Variants in CSMD3 observed in about 807,000 individuals in gnomAD.
The protein encoded by CSMD3 is CUB and Sushi multiple domains 3.
CSMD3 carries 177 observed loss-of-function variants against 435.2 expected under a neutral mutation model. That is an observed-to-expected ratio of 0.41 (90% CI 0.36 to 0.46). The LOEUF (loss-of-function observed/expected upper bound fraction) is 0.46. Ranked by LOEUF, CSMD3 falls within the 20% of genes least tolerant of loss-of-function variation. CSMD3 has a pLI of 0.34. For missense variants in CSMD3, 4,265 were observed against 4,504.6 expected, an observed-to-expected ratio of 0.95 and a Z score of 1.52; for synonymous variants, 1,656 against 1,520.5, an observed-to-expected ratio of 1.09 and a Z score of -2.07.
intron 13 of CSMD3, among the ~76,000 whole-genome samples, chr8:112,702,828 C>T (rs769363675): frequency 3.3e-5 from 5 of 152,012 alleles, no homozygotes; most frequent in Non-Finnish European, 7.4e-5. Flanking sequence ...TGTAAGGCAG[C>T]CCACTCCATA....
chr8:112,994,028 T>C (rs910559943), intron 6 of CSMD3, among the ~76,000 whole-genome samples: 4 of 151,760 alleles, frequency 2.6e-5, no homozygotes, highest in African/African-American at 9.7e-5. Flanking sequence ...AAAGAATGGG[T>C]TGTAGAGAGG....
chr8:112,700,309 T>A (rs1349305941), intron 13 of CSMD3, among the ~76,000 whole-genome samples: 1 of 152,020 alleles, frequency 6.6e-6, no homozygotes, highest in Non-Finnish European at 1.5e-5. Flanking sequence ...GAGAGCAGCC[T>A]GGCCAACATG....
intron 6 of CSMD3, among the ~76,000 whole-genome samples, chr8:112,979,287 T>C (rs1272566662): frequency 2.6e-5 from 4 of 151,812 alleles, no homozygotes; most frequent in Non-Finnish European, 4.4e-5. Flanking sequence ...TTGATACATA[T>C]AGTGGAACTA....
chr8:112,659,543 T>G (rs2075331582), intron 17 of CSMD3, among the ~76,000 whole-genome samples: 1 of 152,118 alleles, frequency 6.6e-6, no homozygotes, highest in East Asian at 1.9e-4. Flanking sequence ...GAAAGACTGA[T>G]AGTGATAGCA....
At chr8:112,959,108 T>C (rs917209988) in intron 7 of CSMD3, among the ~76,000 whole-genome samples, 10 of 152,116 alleles carry the variant, frequency 6.6e-5, no homozygotes, top group African/African-American at 2.4e-4. Flanking sequence ...TTCATTGCTA[T>C]GCATATATAG....
At chr8:112,625,338 ATAT>A (rs540380452) in intron 22 of CSMD3, among the ~76,000 whole-genome samples, 54 of 151,558 alleles carry the variant, frequency 3.6e-4, no homozygotes, top group Non-Finnish European at 6.9e-4. Context: ...GTGAGAAATC[ATAT>A]TATATTATCA....
chr8:113,261,444 T>C (rs2093426600), intron 3 of CSMD3, among the ~76,000 whole-genome samples: 1 of 152,166 alleles, frequency 6.6e-6, no homozygotes, highest in Non-Finnish European at 1.5e-5. Context: ...GACCTCTTTT[T>C]AAATGAATTG....
rs1813382594 is a variant in CSMD3 at position 112,234,448 on chromosome 8, T to C, written c.10657A>G (p.Met3553Val). ...GVYKSQEARL[M>V]LRIYLIKVPA... ...ACTTTAATAAGATATATGCGTAACA[T>C]TAGGCGAGCTTCCTGGCTTTTATAT... Residue 3553 changes from methionine to valine, a missense_variant, in exon 68 of 71, where the codon ATG (methionine) becomes GTG (valine). Around this residue, in one of 3 missense-constraint regions of CSMD3, gnomAD observed 3,255 missense variants for 3,380.2 expected, o/e 0.96. Transcript: ENST00000297405. 1 of 1,612,888 alleles carries C rather than the reference T, an allele frequency of 6.2e-7. No homozygotes were observed. Among genetic ancestry groups the C allele is most frequent in the Non-Finnish European group, 8.5e-7 (1 of 1,179,300 alleles).
chr8:112,683,796 G>T (rs1314004801), intron 15 of CSMD3, among the ~76,000 whole-genome samples: 1 of 151,656 alleles, frequency 6.6e-6, no homozygotes, highest in Non-Finnish European at 1.5e-5. Context: ...TTTGATGCTG[G>T]TTATAAATTG....
At chr8:113,070,484 CA>C (rs1219686010) in intron 5 of CSMD3, among the ~76,000 whole-genome samples, 6 of 151,912 alleles carry the variant, frequency 3.9e-5, no homozygotes, top group Non-Finnish European at 8.8e-5. Context: ...ATCATCTTAG[CA>C]AATTGTAGTG....
intron 3 of CSMD3, among the ~76,000 whole-genome samples, chr8:113,203,554 T>C (rs919787201): frequency 3.3e-5 from 5 of 151,908 alleles, no homozygotes; most frequent in African/African-American, 9.7e-5. Flanking sequence ...TCACTGCACC[T>C]GGTCAAATGC....
chr8:112,288,799 T>C (rs1819480266), intron 57 of CSMD3, among the ~76,000 whole-genome samples: 1 of 152,124 alleles, frequency 6.6e-6, no homozygotes, highest in Admixed American at 6.6e-5. Context: ...TCTTTAATAC[T>C]GATTTATGCA....
chr8:113,235,106 C>T (rs1263691194), intron 3 of CSMD3, among the ~76,000 whole-genome samples: 2 of 152,040 alleles, frequency 1.3e-5, no homozygotes, highest in Admixed American at 6.6e-5. Flanking sequence ...TACATTTAAG[C>T]GGACTTTCAA....
intron 3 of CSMD3, among the ~76,000 whole-genome samples, chr8:113,274,833 C>G (rs189525279): frequency 1.5e-4 from 20 of 130,178 alleles, no homozygotes; most frequent in Admixed American, 2.7e-4. Context: ...CACACACACA[C>G]AGAGAGAAAG....
At chr8:113,270,447 C>A (rs1324479987) in intron 3 of CSMD3, among the ~76,000 whole-genome samples, 3 of 152,116 alleles carry the variant, frequency 2.0e-5, no homozygotes, top group Non-Finnish European at 4.4e-5. Context: ...ACTAGAAATA[C>A]CATTTGACCC....
chr8:112,386,960 T>G (rs1211786550), intron 36 of CSMD3, among the ~76,000 whole-genome samples: 1 of 152,210 alleles, frequency 6.6e-6, no homozygotes, highest in Non-Finnish European at 1.5e-5. Context: ...ACATTTTACT[T>G]TAGATTATAT....
chr8:113,013,890 A>G (rs1428953656), intron 6 of CSMD3, among the ~76,000 whole-genome samples: 2 of 152,152 alleles, frequency 1.3e-5, no homozygotes, highest in African/African-American at 4.8e-5. Context: ...GAAGGTACTT[A>G]AAAATATTCA....
chr8:113,338,300 G>C (rs1020768003), intron 1 of CSMD3, among the ~76,000 whole-genome samples: 14 of 151,832 alleles, frequency 9.2e-5, no homozygotes, highest in Non-Finnish European at 1.9e-4. Context: ...ATGTAAGATG[G>C]TGCAGCCAAT....
intron 1 of CSMD3, among the ~76,000 whole-genome samples, chr8:113,391,422 T>C (rs190200816): frequency 6.6e-6 from 1 of 152,114 alleles, no homozygotes; most frequent in East Asian, 1.9e-4. Flanking sequence ...GTATATGAGA[T>C]TTTGAATACA....
Sources: allele counts gnomAD v4.1 joint callset (sites outside exome capture counted in the v4.1 genomes callset), GRCh38; gene constraint gnomAD v4.1.1; regional missense constraint gnomAD v4.1.1; transcripts MANE v1.5; gene names NCBI Gene and HGNC (gene_info 2026-07-23, HGNC 2026-07-21).